Variants in RTN1 observed in about 807,000 individuals in gnomAD.
RTN1 encodes the protein reticulon-1.
Under a neutral mutation model 65.5 loss-of-function variants are expected in RTN1, and 25 were observed. That is an observed-to-expected ratio of 0.38 (90% CI 0.28 to 0.53). The LOEUF is 0.53. Among genes scored for constraint, RTN1 ranks in the 20% least tolerant of loss-of-function variants. The probability of loss-of-function intolerance (pLI) is 0.79; values close to 1 mark genes in which losing one functional copy is unlikely to be tolerated. For synonymous variants in RTN1, 471 were observed against 447.6 expected, an observed-to-expected ratio of 1.05 and a Z score of -0.66; for missense variants, 983 against 1,025.4, an observed-to-expected ratio of 0.96 and a Z score of 0.57.
intron 3 of RTN1, among the ~76,000 whole-genome samples, chr14:59,674,649 G>A (rs1883584283): frequency 6.6e-6 from 1 of 152,198 alleles, no homozygotes; most frequent in Middle Eastern, 3.2e-3. Flanking sequence ...CTGTACGTGT[G>A]TGCCCGTATG....
intron 3 of RTN1, among the ~76,000 whole-genome samples, chr14:59,647,598 C>T (rs964915976): frequency 2.0e-5 from 3 of 152,140 alleles, no homozygotes; most frequent in Non-Finnish European, 4.4e-5. Context: ...ATACCAAATT[C>T]ACTCTTGGAT....
At chr14:59,669,615 A>G (rs1202944576) in intron 3 of RTN1, among the ~76,000 whole-genome samples, 1 of 152,068 alleles carries the variant, frequency 6.6e-6, no homozygotes, top group Non-Finnish European at 1.5e-5. Flanking sequence ...TATAAAAAAT[A>G]AAAAATAAAA....
intron 3 of RTN1, among the ~76,000 whole-genome samples, chr14:59,677,662 T>C (rs1240577109): frequency 6.6e-6 from 1 of 152,196 alleles, no homozygotes; most frequent in Non-Finnish European, 1.5e-5. Flanking sequence ...GGCGTAATTA[T>C]TTTTTCAAAG....
At chr14:59,772,914 T>G (rs1340979110) in intron 1 of RTN1, among the ~76,000 whole-genome samples, 3 of 152,166 alleles carry the variant, frequency 2.0e-5, no homozygotes, top group African/African-American at 7.2e-5. Flanking sequence ...TCCCTGTGAA[T>G]GAACTCCAGG....
At chr14:59,773,287 C>T (rs1885992056) in intron 1 of RTN1, among the ~76,000 whole-genome samples, 1 of 151,960 alleles carries the variant, frequency 6.6e-6, no homozygotes. Flanking sequence ...AAAAAAAATT[C>T]TCATCATTTA....
At chr14:59,758,954 A>G (rs1447918413) in intron 1 of RTN1, among the ~76,000 whole-genome samples, 3 of 152,206 alleles carry the variant, frequency 2.0e-5, no homozygotes, top group South Asian at 2.1e-4. Context: ...GTGTGCCCCC[A>G]AAGTCTACTA....
chr14:59,870,547 C>T lies in RTN1; in HGVS notation c.84G>A (p.Gly28=). ...CTTTCGGCGTCACCGCTTCGTTCTC[C>T]CCCTCCCCCCGGTGCCTGAGCCACT... The part of the protein sequence containing the change: ...GSQWLRHRGE[G]ENEAVTPKGA... The change falls in exon 1 of 9, where the codon GGG becomes GGA. Residue 28 remains glycine, a synonymous_variant. Transcript: ENST00000267484. The surrounding 1 kb of genome is among the most constrained non-coding windows in gnomAD (Gnocchi z 5.1). 6.9e-7 allele frequency: 1 copy of T among 1,458,192 alleles called. No homozygotes were observed. Among genetic ancestry groups the T allele is most frequent in the Non-Finnish European group, 9.0e-7 (1 of 1,110,776 alleles). The allele number at this position is 1,458,192 out of a possible 1,614,324, so 90.3% of individuals were successfully genotyped here. A position where few individuals can be genotyped will look rare whatever the true frequency, so the allele number is the denominator to read the frequency against.
chr14:59,604,623 C>T (rs539391182), intron 5 of RTN1: 3 of 152,420 alleles, frequency 2.0e-5, no homozygotes, highest in Admixed American at 6.5e-5. Flanking sequence ...TTTCACTTTT[C>T]CTTCTGCCCT....
intron 8 of RTN1, among the ~76,000 whole-genome samples, chr14:59,597,887 C>T (rs528746785): frequency 1.3e-5 from 2 of 152,072 alleles, no homozygotes; most frequent in South Asian, 2.1e-4. Flanking sequence ...ATGAGAAGCC[C>T]GTTTGCTTGG....
chr14:59,840,949 G>A lies in RTN1; in HGVS notation c.241+29441C>T, dbSNP rs961778620. 1.4e-4 allele frequency among the ~76,000 whole-genome samples: 22 copies of A among 152,186 alleles called. 1 individual carries two copies. Among genetic ancestry groups the A allele is most frequent in the Admixed American group, 8.5e-4 (13 of 15,280 alleles). On this transcript the variant is annotated intron_variant, in intron 1 of 8. Transcript: ENST00000267484. Reference sequence around the variant, plus strand: ...GGAGAGAACCACTGAATTAAATATCGGGGTCATTTAAGTAATTAGCATTCT... The same window carrying A: ...GGAGAGAACCACTGAATTAAATATCAGGGTCATTTAAGTAATTAGCATTCT...
chr14:59,847,548 A>T (rs1258107539), intron 1 of RTN1, among the ~76,000 whole-genome samples: 1 of 152,228 alleles, frequency 6.6e-6, no homozygotes, highest in Non-Finnish European at 1.5e-5. Flanking sequence ...TTTTAGCTAA[A>T]GGTGTAAAAC....
intron 1 of RTN1, among the ~76,000 whole-genome samples, chr14:59,823,014 C>A (rs8004850): frequency 0.2 from 30,829 of 151,772 alleles, 4,529 homozygotes; most frequent in African/African-American, 0.41. Flanking sequence ...ATGTCTATTA[C>A]GTCCATTTGG....
intron 1 of RTN1, among the ~76,000 whole-genome samples, chr14:59,788,179 C>T (rs543285281): frequency 6.6e-6 from 1 of 152,152 alleles, no homozygotes; most frequent in African/African-American, 2.4e-5. Flanking sequence ...CAATAAATGT[C>T]CTTGTACACA....
rs1566737447 is a variant in RTN1, at chr14:59,819,411, A to AC, written c.241+50978dup. Among the ~76,000 whole-genome samples, 9 of 12,730 alleles carry AC rather than the reference A, an allele frequency of 7.1e-4. 1 individual carries two copies. Among genetic ancestry groups the AC allele is most frequent in the African/African-American group, 2.7e-3 (4 of 1,466 alleles). The allele number at this position is 12,730 out of a possible 152,430, so 8.4% of individuals were successfully genotyped here. A position where few individuals can be genotyped will look rare whatever the true frequency, so the allele number is the denominator to read the frequency against. On this transcript the variant is annotated intron_variant, in intron 1 of 8. Transcript: ENST00000267484. ...AGCTGATTGGTGCATCCACACCACCACCACCCCCCCCCCACCCCCCACCCC... is the reference window on the plus strand; with the variant it reads ...AGCTGATTGGTGCATCCACACCACCACCCACCCCCCCCCCACCCCCCACCCC...
chr14:59,761,082 G>A (rs867769538), intron 1 of RTN1, among the ~76,000 whole-genome samples: 2 of 152,224 alleles, frequency 1.3e-5, no homozygotes, highest in Non-Finnish European at 2.9e-5. Flanking sequence ...AAAACATGCC[G>A]GTACATAAGT....
At chr14:59,716,988 A>C (rs1257363518) in intron 3 of RTN1, among the ~76,000 whole-genome samples, 1 of 140,850 alleles carries the variant, frequency 7.1e-6, no homozygotes, top group Non-Finnish European at 1.6e-5. Context: ...CAAACAAACA[A>C]AAAAAAAAAA....
chr14:59,730,202 T>A (rs991552701), intron 2 of RTN1, among the ~76,000 whole-genome samples: 3 of 152,220 alleles, frequency 2.0e-5, no homozygotes, highest in Non-Finnish European at 2.9e-5. Context: ...AATGCATGTC[T>A]ATTTCATGTG....
At position 59,670,234 on chromosome 14, in the gene RTN1, C is replaced by T. The variant is rs138455752; in HGVS notation, c.1765+56685G>A. On this transcript the variant is annotated intron_variant, in intron 3 of 8. Coordinates refer to ENST00000267484, the MANE Select transcript of RTN1 (RefSeq NM_021136.3). ...CAGAATGTGCATTAATAAGCAAGGA[C>T]CAGAATTAGATTTAAAATAATGATC... Among the ~76,000 whole-genome samples the T allele has an allele frequency of 5.0e-3, 763 of 152,192 alleles. 4 individuals are homozygous for T. The highest frequency in any genetic ancestry group is 0.014 in the Middle Eastern group (4 of 294).
At chr14:59,645,665 G>A (rs1882878803) in intron 3 of RTN1, among the ~76,000 whole-genome samples, 2 of 152,098 alleles carry the variant, frequency 1.3e-5, no homozygotes, top group South Asian at 4.1e-4. Context: ...TGGGGACCCG[G>A]CACTGGTCTG....
Sources: gnomAD v4.1 joint callset for allele counts (sites outside exome capture counted in the v4.1 genomes callset) on GRCh38, gnomAD v4.1.1 for gene constraint, Gnocchi (gnomAD v3.1) non-coding constraint, MANE v1.5 for transcripts, NCBI Gene and HGNC (gene_info 2026-07-23, HGNC 2026-07-21) for gene names.